GRHL1: variants seen among roughly 807,000 people sequenced by gnomAD.
GRHL1 encodes the protein grainyhead-like protein 1 homolog.
In GRHL1, 38 loss-of-function variants were observed where a neutral mutation model predicts 75.7. The observed-to-expected ratio is 0.50, with a 90% CI of 0.39 to 0.66. GRHL1 has a LOEUF of 0.66. Ranked by LOEUF, GRHL1 falls within the 30% of genes least tolerant of loss-of-function variation. GRHL1 has a pLI of 0.00. For synonymous variants in GRHL1, 266 were observed against 279.4 expected, an observed-to-expected ratio of 0.95 and a Z score of 0.48; for missense variants, 589 against 767.5, an observed-to-expected ratio of 0.77 and a Z score of 2.75.
In GRHL1 at chr2:9,954,987, G is replaced by A; in HGVS notation, c.93G>A (p.Glu31=). ...GGCGGTCCTACACTAGTGAGGATGA[G>A]GCCTGGAAATCCTTCCTGGAAAACC... ...PQRRSYTSED[E]AWKSFLENPL... is the part of the protein sequence containing the mutation. The change falls in exon 2 of 16, where the codon GAG becomes GAA. Residue 31 remains glutamate (E), a synonymous_variant. Coordinates refer to ENST00000324907, the MANE Select transcript of GRHL1 (RefSeq NM_198182.3). 6.2e-7 allele frequency: 1 copy of A among 1,612,794 alleles called. No homozygotes were observed. Among genetic ancestry groups the A allele is most frequent in the Admixed American group, 1.7e-5 (1 of 60,024 alleles).
chr2:9,981,536 T>G (rs1376750327), intron 8 of GRHL1, among the ~76,000 whole-genome samples: 1 of 152,190 alleles, frequency 6.6e-6, no homozygotes, highest in Non-Finnish European at 1.5e-5. Flanking sequence ...TAAATCAAGT[T>G]TTATCGAAAC....
Position 9,994,056 on chromosome 2 carries a change from G to C in GRHL1, c.1499+812G>C, listed in dbSNP as rs142027696. Among the ~76,000 whole-genome samples the C allele has an allele frequency of 5.6e-3, 821 of 145,516 alleles. 10 individuals are homozygous for C. Among genetic ancestry groups the C allele is most frequent in the African/African-American group, 0.02 (772 of 37,660 alleles). On this transcript the variant is annotated intron_variant, in intron 12 of 15. Transcript: ENST00000324907. ...CCCCCTACTCATGCTGCCTAGTGGA[G>C]GGGGGCTGACGCTACCCCTCTTTGG...
intron 12 of GRHL1, among the ~76,000 whole-genome samples, chr2:9,994,289 C>T (rs1239700327): frequency 6.6e-6 from 1 of 150,428 alleles, no homozygotes; most frequent in Non-Finnish European, 1.5e-5. Flanking sequence ...GGACTACAGG[C>T]ACATGCCACC....
rs1195819958 is a variant in GRHL1 at position 9,998,773 on chromosome 2, C to CAT, written c.1678-186_1678-185dup. ...ATATATACGTATATATATGTACACA[C>CAT]ATATATACGTATATATATGTACACA... On this transcript the variant is annotated intron_variant, in intron 14 of 15. Coordinates refer to ENST00000324907, the MANE Select transcript of GRHL1 (RefSeq NM_198182.3). Among the ~76,000 whole-genome samples, 10 of 28,382 alleles carry CAT rather than the reference C, an allele frequency of 3.5e-4. 1 individual carries two copies. Among genetic ancestry groups the CAT allele is most frequent in the Admixed American group, 1.2e-3 (3 of 2,402 alleles). The allele number at this position is 28,382 out of a possible 152,430, so 18.6% of individuals were successfully genotyped here. A position where few individuals can be genotyped will look rare whatever the true frequency, so the allele number is the denominator to read the frequency against.
intron 3 of GRHL1, chr2:9,960,467 AAGG>A (rs1410467648): frequency 6.6e-6 from 1 of 152,240 alleles, no homozygotes; most frequent in Non-Finnish European, 1.5e-5. Flanking sequence ...AAAAAAAAAA[AAGG>A]AGAAAGCCAA....
At chr2:9,983,861 A>T (rs1464995852) in intron 8 of GRHL1, among the ~76,000 whole-genome samples, 2 of 141,506 alleles carry the variant, frequency 1.4e-5, no homozygotes, top group East Asian at 4.0e-4. Context: ...TGAAGTGTTT[A>T]AAAAAAAAAA....
chr2:9,989,108 A>G (rs968586655), intron 9 of GRHL1, among the ~76,000 whole-genome samples: 1 of 152,180 alleles, frequency 6.6e-6, no homozygotes, highest in Non-Finnish European at 1.5e-5. Context: ...TCAATGTTAC[A>G]TAGCAATTTT....
chr2:9,968,617 G>A lies in GRHL1; in HGVS notation c.1110+3236G>A, dbSNP rs901536311. On this transcript the variant is annotated intron_variant, in intron 8 of 15. Coordinates refer to ENST00000324907, the MANE Select transcript of GRHL1 (RefSeq NM_198182.3). The surrounding 1 kb of genome is among the most constrained non-coding windows in gnomAD (Gnocchi z 4.7). Reference sequence around the variant, plus strand: ...TGCCTTTGAAGCATTAAAAGATGGAGCTTTGGTAAGATGCTGAAGTTTAGG... The same window carrying A: ...TGCCTTTGAAGCATTAAAAGATGGAACTTTGGTAAGATGCTGAAGTTTAGG... Among the ~76,000 whole-genome samples, 1 of 152,182 alleles carries A rather than the reference G, an allele frequency of 6.6e-6. No homozygotes were observed. The highest frequency in any genetic ancestry group is 1.5e-5 in the Non-Finnish European group (1 of 68,032).
chr2:9,953,076 C>T (rs1306125477), intron 1 of GRHL1: 1 of 456,746 alleles, frequency 2.2e-6, no homozygotes, highest in East Asian at 6.9e-5. Context: ...GTGTTTATTT[C>T]TTGACGTATA....
chr2:9,964,297 G>T lies in GRHL1; in HGVS notation c.966G>T (p.Lys322Asn). Residue 322 changes from lysine (K) to asparagine (N), a missense_variant, in exon 7 of 16, where the codon AAG (lysine) becomes AAT (asparagine). Around this residue, in one of 5 missense-constraint regions of GRHL1, gnomAD observed 362 missense variants for 461.8 expected, o/e 0.78. Coordinates refer to ENST00000324907, the MANE Select transcript of GRHL1 (RefSeq NM_198182.3). ...KSREDQLRHWKYWHSRQHTAK... is the reference protein window; with the variant it reads ...KSREDQLRHWNYWHSRQHTAK... ...GAGAAGATCAGTTAAGGCATTGGAA[G>T]TACTGGCACTCCCGGCAGCACACCG... 1 of 1,612,480 alleles carries T rather than the reference G, an allele frequency of 6.2e-7. No individual in the cohort carries two copies. Among genetic ancestry groups the T allele is most frequent in the Non-Finnish European group, 8.5e-7 (1 of 1,178,488 alleles).
At chr2:9,969,897 C>T (rs1667652039) in intron 8 of GRHL1, among the ~76,000 whole-genome samples, 1 of 142,006 alleles carries the variant, frequency 7.0e-6, no homozygotes, top group Admixed American at 7.5e-5. Flanking sequence ...GGCTGGACTG[C>T]AGTGGCGCTA....
intron 1 of GRHL1, among the ~76,000 whole-genome samples, chr2:9,953,387 G>A (rs1286855033): frequency 6.6e-6 from 1 of 152,208 alleles, no homozygotes; most frequent in East Asian, 1.9e-4. Flanking sequence ...TTGTACTCTG[G>A]TCCTGATGGC....
At chr2:9,977,731 C>A (rs964690226) in intron 8 of GRHL1, among the ~76,000 whole-genome samples, 2 of 152,156 alleles carry the variant, frequency 1.3e-5, no homozygotes, top group East Asian at 3.8e-4. Flanking sequence ...TGTTAAGGTT[C>A]TCACTCCGCC....
In GRHL1 at chr2:9,993,209, C is replaced by A; in HGVS notation, c.1464C>A (p.Val488=). The A allele has an allele frequency of 6.2e-7, 1 of 1,608,296 alleles. No homozygotes were observed. Residue 488 remains valine, a splice_region_variant and synonymous_variant, in exon 12 of 16, where the codon GTC becomes GTA. Transcript: ENST00000324907. The part of the protein sequence containing the change: ...HFANLQRGTH[V]LPIASEELEG... Reference sequence around the variant, plus strand: ...GCAATCTATTCCTTTGGTCTTAGGTCCTTCCCATTGCCTCTGAAGAATTGG... The same window carrying A: ...GCAATCTATTCCTTTGGTCTTAGGTACTTCCCATTGCCTCTGAAGAATTGG...
At chr2:9,984,239 A>C (rs916220552) in intron 8 of GRHL1, among the ~76,000 whole-genome samples, 3 of 151,996 alleles carry the variant, frequency 2.0e-5, no homozygotes, top group Non-Finnish European at 4.4e-5. Flanking sequence ...TAGTTCAGCC[A>C]GTGACACCCA....
rs1666769690 is a variant in GRHL1, at chr2:9,951,706, C to G, written c.-128C>G. ...CGGAGCCGGCTCAGAGCGAGAAAAG[C>G]AAACCCAACCCGTCGGGGCCGCCGC... On this transcript the variant is annotated 5_prime_UTR_variant, in exon 1 of 16. Coordinates refer to ENST00000324907, the MANE Select transcript of GRHL1 (RefSeq NM_198182.3). The surrounding 1 kb of genome is among the most constrained non-coding windows in gnomAD (Gnocchi z 4.2). 1.2e-6 allele frequency: 1 copy of G among 866,166 alleles called. No homozygotes were observed. Among genetic ancestry groups the G allele is most frequent in the Admixed American group, 2.9e-5 (1 of 34,122 alleles). The allele number at this position is 866,166 out of a possible 1,614,324, so 53.7% of individuals were successfully genotyped here.
At chr2:9,964,407 C>A in intron 7 of GRHL1, 61 bp downstream of exon 7, 1 of 924,020 alleles carries the variant, frequency 1.1e-6, no homozygotes, top group Non-Finnish European at 1.7e-6. Context: ...TTTCTAAATC[C>A]AATTATTTTT....
chr2:9,951,997 C>A lies in GRHL1; in HGVS notation c.20+144C>A. The A allele has an allele frequency of 3.8e-6, 1 of 265,546 alleles. No homozygotes were observed. The highest frequency in any genetic ancestry group is 1.3e-4 in the South Asian group (1 of 7,662). The allele number at this position is 265,546 out of a possible 1,614,324, so 16.4% of individuals were successfully genotyped here. Reference sequence around the variant, plus strand: ...CCGGGGGCCGCTGTCCACTCCACGCCGCCACGGCCTTTGCCCCTTAGCCCT... The same window carrying A: ...CCGGGGGCCGCTGTCCACTCCACGCAGCCACGGCCTTTGCCCCTTAGCCCT... On this transcript the variant is annotated intron_variant, in intron 1 of 15. Coordinates refer to ENST00000324907, the MANE Select transcript of GRHL1 (RefSeq NM_198182.3). The surrounding 1 kb of genome is among the most constrained non-coding windows in gnomAD (Gnocchi z 4.2).
Position 9,961,365 on chromosome 2 carries a change from C to G in GRHL1, c.598C>G (p.Gln200Glu). The change falls in exon 4 of 16, where the codon CAA becomes GAA. Residue 200 changes from glutamine to glutamate, a missense_variant. Transcript: ENST00000324907. ...LNTDQFSSGA[Q>E]APNAQRRTPD... ...TACTGACCAGTTCAGCTCTGGTGCT[C>G]AAGCCCCAAATGCTCAAAGGCGAAC... 2 of 1,614,108 alleles carry G rather than the reference C, an allele frequency of 1.2e-6. No homozygotes were observed.
Sources: gnomAD v4.1 joint callset for allele counts (sites outside exome capture counted in the v4.1 genomes callset) on GRCh38, gnomAD v4.1.1 for gene constraint, gnomAD v4.1.1 regional missense constraint, Gnocchi (gnomAD v3.1) non-coding constraint, MANE v1.5 for transcripts, NCBI Gene and HGNC (gene_info 2026-07-23, HGNC 2026-07-21) for gene names.